The following IL23R variants were observed in gnomAD, a reference collection of about 807,000 sequenced individuals.
The protein encoded by IL23R is interleukin-23 receptor.
A neutral mutation model predicts 56.9 loss-of-function variants in IL23R; 34 were observed. The ratio of observed to expected loss-of-function variants is 0.60; its 90% confidence interval spans 0.45 to 0.80. The LOEUF is 0.80. Ranked by LOEUF, IL23R falls within the 30% of genes least tolerant of loss-of-function variation. The pLI is 0.00. For synonymous variants in IL23R, 230 were observed against 249.2 expected, an observed-to-expected ratio of 0.92 and a Z score of 0.73; for missense variants, 635 against 730.0, an observed-to-expected ratio of 0.87 and a Z score of 1.50.
At chr1:67,188,837 C>T (rs1012750352) in intron 4 of IL23R, among the ~76,000 whole-genome samples, 1 of 152,090 alleles carries the variant, frequency 6.6e-6, no homozygotes, top group Non-Finnish European at 1.5e-5. Flanking sequence ...GAAAAGCCCT[C>T]ATGACTTAAC....
rs1035929222 is a variant in IL23R, at chr1:67,169,514, T to A, written c.243T>A (p.Asn81Lys). Residue 81 changes from asparagine (N) to lysine (K), a missense_variant, in exon 3 of 11, where the codon AAT becomes AAA. Asn to Lys is a moderately conservative substitution (Grantham distance 94, BLOSUM62 0). Transcript: ENST00000347310. ...AAAGATTTCAAATCACAAGGATTAA[T>A]AAAACAACAGCTCGGCTTTGGTATA... ...IKERFQITRINKTTARLWYKN... is the reference protein window; with the variant it reads ...IKERFQITRIKKTTARLWYKN... 6.2e-7 allele frequency: 1 copy of A among 1,614,030 alleles called. No homozygotes were observed. The highest frequency in any genetic ancestry group is 8.5e-7 in the Non-Finnish European group (1 of 1,179,902).
upstream of IL23R, among the ~76,000 whole-genome samples, chr1:67,164,518 G>A (rs1234588153): frequency 1.3e-5 from 2 of 152,162 alleles, no homozygotes; most frequent in Non-Finnish European, 2.9e-5. Flanking sequence ...TGTAATCCCA[G>A]CTACTTGGGA....
Position 67,142,979 on chromosome 1 carries a change from A to G in IL23R, c.-634+3818A>G, listed in dbSNP as rs1005145650. On this transcript the variant is annotated intron_variant, in intron 1 of 10. Coordinates refer to the IL23R transcript ENST00000637002. The stretch of plus-strand genomic sequence containing the variant: ...TTAAGAGGTAGGTATAACTATGCCT[A>G]TTTCATAAATGAGACCACTGATTCT... 4.7e-4 allele frequency among the ~76,000 whole-genome samples: 71 copies of G among 152,230 alleles called. 1 individual carries two copies. The highest frequency in any genetic ancestry group is 4.6e-3 in the Admixed American group (70 of 15,282).
chr1:67,163,952 G>A (rs1261527440), upstream of IL23R, among the ~76,000 whole-genome samples: 1 of 151,804 alleles, frequency 6.6e-6, no homozygotes, highest in African/African-American at 2.4e-5. Context: ...CACTGGTCTG[G>A]GTAAAAATAT....
At chr1:67,163,786 G>A (rs4655524), upstream of IL23R, among the ~76,000 whole-genome samples, 58,855 of 151,964 alleles carry the variant, frequency 0.39, 11,795 homozygotes, top group Admixed American at 0.48. Flanking sequence ...CCAGAAGCCA[G>A]GCGGATGTTG....
intron 6 of IL23R, among the ~76,000 whole-genome samples, chr1:67,218,775 C>T (rs1319793819): frequency 6.6e-6 from 1 of 151,192 alleles, no homozygotes; most frequent in African/African-American, 2.4e-5. Flanking sequence ...AAAAATTATC[C>T]AATCATGGTA....
chr1:67,222,102 C>CTTTCTTTTTTTTT (rs1440089182), intron 7 of IL23R, among the ~76,000 whole-genome samples: 2 of 58,890 alleles, frequency 3.4e-5, no homozygotes, highest in African/African-American at 1.3e-4. Flanking sequence ...TTCTTTCTTT[C>CTTTCTTTTTTTTT]TTTTTTTTTT....
upstream of IL23R, among the ~76,000 whole-genome samples, chr1:67,164,582 A>G (rs571459323): frequency 6.6e-6 from 1 of 152,106 alleles, no homozygotes; most frequent in East Asian, 1.9e-4. Context: ...CAGTGAGCCG[A>G]GATTGTGCCA....
At chr1:67,154,247 G>A (rs977143647) in intron 1 of IL23R, among the ~76,000 whole-genome samples, 2 of 152,204 alleles carry the variant, frequency 1.3e-5, no homozygotes, top group Admixed American at 6.5e-5. Context: ...ATTAGGGATG[G>A]AGAGTTCTTT....
intron 7 of IL23R, among the ~76,000 whole-genome samples, chr1:67,222,305 C>T (rs1182548149): frequency 2.0e-5 from 3 of 151,420 alleles, no homozygotes; most frequent in Non-Finnish European, 3.0e-5. Context: ...TTAATAGAGG[C>T]GGGGTTTCAC....
chr1:67,152,058 G>T (rs1646733514), intron 1 of IL23R, among the ~76,000 whole-genome samples: 1 of 152,128 alleles, frequency 6.6e-6, no homozygotes, highest in Non-Finnish European at 1.5e-5. Context: ...TGGGCACTAT[G>T]GTTATTTTCA....
intron 4 of IL23R, among the ~76,000 whole-genome samples, chr1:67,186,259 A>G (rs1262618496): frequency 6.6e-6 from 1 of 152,178 alleles, no homozygotes; most frequent in Admixed American, 6.5e-5. Flanking sequence ...GATCTTCACT[A>G]TCTCCCAGAA....
intron 10 of IL23R, among the ~76,000 whole-genome samples, chr1:67,258,203 C>T (rs1318559207): frequency 6.6e-6 from 1 of 152,108 alleles, no homozygotes; most frequent in Non-Finnish European, 1.5e-5. Flanking sequence ...CTCAACTTTT[C>T]TCTTTAAAAC....
intron 10 of IL23R, among the ~76,000 whole-genome samples, chr1:67,258,065 C>CT (rs1653049515): frequency 6.6e-6 from 1 of 151,976 alleles, no homozygotes; most frequent in Non-Finnish European, 1.5e-5. Flanking sequence ...TCTCCCCAAC[C>CT]TTTTTTTATT....
chr1:67,165,394 T>C (rs542274592), upstream of IL23R, among the ~76,000 whole-genome samples: 2 of 152,186 alleles, frequency 1.3e-5, no homozygotes, highest in Non-Finnish European at 2.9e-5. Flanking sequence ...GAAAACAGTG[T>C]GAAATAAAAA....
intron 4 of IL23R, among the ~76,000 whole-genome samples, chr1:67,190,689 A>C (rs1647675776): frequency 1.3e-5 from 2 of 152,218 alleles, no homozygotes; most frequent in African/African-American, 4.8e-5. Flanking sequence ...AATTGTATTA[A>C]ACTGTAGATA....
At chr1:67,151,603 A>T (rs1646728899) in intron 1 of IL23R, among the ~76,000 whole-genome samples, 1 of 152,204 alleles carries the variant, frequency 6.6e-6, no homozygotes, top group South Asian at 2.1e-4. Context: ...TTAAGTCTTT[A>T]ATCCATCTTG....
intron 9 of IL23R, among the ~76,000 whole-genome samples, chr1:67,254,498 A>G (rs1652833677): frequency 6.6e-6 from 1 of 152,172 alleles, no homozygotes; most frequent in Non-Finnish European, 1.5e-5. Context: ...AATTTGGTCT[A>G]ATTTTAAATA....
chr1:67,186,841 G>C (rs565151832), intron 4 of IL23R, among the ~76,000 whole-genome samples: 151 of 152,178 alleles, frequency 9.9e-4, no homozygotes, highest in Admixed American at 1.2e-3. Flanking sequence ...GGCTGGTATG[G>C]AACTCCTGAG....
Sources: allele counts gnomAD v4.1 joint callset (sites outside exome capture counted in the v4.1 genomes callset), GRCh38; gene constraint gnomAD v4.1.1; transcripts MANE v1.5; gene names NCBI Gene and HGNC (gene_info 2026-07-23, HGNC 2026-07-21).